BTBD16: variants seen among roughly 807,000 people sequenced by gnomAD.
The protein encoded by BTBD16 is BTB/POZ domain-containing protein 16.
BTBD16 carries 66 observed loss-of-function variants against 67.4 expected under a neutral mutation model. That is an observed-to-expected ratio of 0.98 (90% CI 0.80 to 1.20). The LOEUF is 1.20. BTBD16 is among the 50% of genes most tolerant of loss of function. The pLI is 0.00. For missense variants in BTBD16, 634 were observed against 616.0 expected, an observed-to-expected ratio of 1.03 and a Z score of -0.31; for synonymous variants, 242 against 236.4, an observed-to-expected ratio of 1.02 and a Z score of -0.22.
chr10:122,291,220 C>T (rs1564970289), intron 7 of BTBD16, 26 bp downstream of exon 7: 1 of 1,600,704 alleles, frequency 6.2e-7, no homozygotes, highest in East Asian at 2.3e-5. Flanking sequence ...TGACTTTGGG[C>T]AGGGCCGGGC....
chr10:122,294,633 G>T (rs1208617821), intron 7 of BTBD16, among the ~76,000 whole-genome samples: 2 of 152,240 alleles, frequency 1.3e-5, no homozygotes, highest in East Asian at 3.9e-4. Context: ...GGGCCAGAGG[G>T]GCATTTCCTT....
At chr10:122,311,366 C>G (rs1437791580) in intron 10 of BTBD16, among the ~76,000 whole-genome samples, 1 of 152,194 alleles carries the variant, frequency 6.6e-6, no homozygotes, top group Non-Finnish European at 1.5e-5. Context: ...CACAACTACA[C>G]ACATCTAAAG....
At chr10:122,281,525 A>G (rs1020795945) in intron 3 of BTBD16, among the ~76,000 whole-genome samples, 1 of 152,282 alleles carries the variant, frequency 6.6e-6, no homozygotes, top group South Asian at 2.1e-4. Context: ...TCACCCTTGC[A>G]TGTAGCTGGG....
chr10:122,296,851 C>T (rs757204631), intron 7 of BTBD16, among the ~76,000 whole-genome samples: 2 of 152,194 alleles, frequency 1.3e-5, no homozygotes, highest in Non-Finnish European at 2.9e-5. Context: ...AGAGAGGGGA[C>T]AGTGTGGAGC....
intron 9 of BTBD16, among the ~76,000 whole-genome samples, chr10:122,301,318 C>T (rs993442848): frequency 6.6e-6 from 1 of 152,084 alleles, no homozygotes; most frequent in African/African-American, 2.4e-5. Context: ...GCCTGACAAA[C>T]GTATGCTGGG....
chr10:122,288,373 G>C, intron 5 of BTBD16, among the ~76,000 whole-genome samples: 1 of 152,356 alleles, frequency 6.6e-6, no homozygotes, highest in African/African-American at 2.4e-5. Flanking sequence ...GTGAGAGCCA[G>C]CACAGAGCCA....
intron 10 of BTBD16, among the ~76,000 whole-genome samples, chr10:122,310,026 C>T (rs892424460): frequency 2.0e-5 from 3 of 152,200 alleles, no homozygotes; most frequent in African/African-American, 7.2e-5. Flanking sequence ...CCCACCTCGG[C>T]CTCCCAAAGC....
chr10:122,308,169 T>C (rs1370918720), intron 10 of BTBD16, among the ~76,000 whole-genome samples: 1 of 152,150 alleles, frequency 6.6e-6, no homozygotes, highest in South Asian at 2.1e-4. Flanking sequence ...CACTGGGAGA[T>C]AGGAAAAAGA....
At chr10:122,309,710 G>T (rs1242224607) in intron 10 of BTBD16, among the ~76,000 whole-genome samples, 1 of 151,592 alleles carries the variant, frequency 6.6e-6, no homozygotes, top group African/African-American at 2.4e-5. Flanking sequence ...CTGGTCTCAA[G>T]TGATCCTCCC....
At chr10:122,313,534 A>G (rs541295195) in intron 10 of BTBD16, among the ~76,000 whole-genome samples, 2 of 152,234 alleles carry the variant, frequency 1.3e-5, no homozygotes, top group Middle Eastern at 3.4e-3. Context: ...AAGTGCTGGG[A>G]TTACAGGCAT....
At position 122,286,210 on chromosome 10, in the gene BTBD16, C is replaced by G. The variant is rs1260524875; in HGVS notation, c.347C>G (p.Thr116Ser). Reference sequence around the variant, plus strand: ...TACCTGAAAGCCCTGGCGCAGGGCACCACACACCCCCTGAGGGAGCTGGAG... The same window carrying G: ...TACCTGAAAGCCCTGGCGCAGGGCAGCACACACCCCCTGAGGGAGCTGGAG... ...KLYLKALAQG[T>S]THPLRELEEL... Residue 116 changes from threonine (T) to serine (S), a missense_variant, in exon 5 of 16, where the codon ACC (threonine) becomes AGC (serine). Transcript: ENST00000260723. 26 of 1,613,570 alleles carry G rather than the reference C, an allele frequency of 1.6e-5. No homozygotes were observed. The highest frequency in any genetic ancestry group is 2.0e-5 in the Non-Finnish European group (24 of 1,179,578).
At chr10:122,286,641 A>C (rs2096364368) in intron 5 of BTBD16, among the ~76,000 whole-genome samples, 1 of 152,158 alleles carries the variant, frequency 6.6e-6, no homozygotes, top group Non-Finnish European at 1.5e-5. Flanking sequence ...TTCTGGAAGG[A>C]AGGTGGAATT....
intron 9 of BTBD16, among the ~76,000 whole-genome samples, chr10:122,300,291 C>T (rs190744088): frequency 5.3e-4 from 81 of 151,900 alleles, no homozygotes; most frequent in African/African-American, 1.7e-3. Context: ...AGAATATATA[C>T]AATATATAAT....
intron 10 of BTBD16, among the ~76,000 whole-genome samples, chr10:122,322,356 C>T (rs1021760652): frequency 2.4e-4 from 36 of 152,170 alleles, no homozygotes; most frequent in African/African-American, 8.0e-4. Context: ...ATATAATATG[C>T]ATGAGTATGG....
rs190019132 is a variant in BTBD16, at chr10:122,335,672, A to G, written c.1263+693A>G. Reference sequence around the variant, plus strand: ...GAACAAGCTTGACACACAAAGCACTATGTGCATTAGGGAAGATGAGGATGA... The same window carrying G: ...GAACAAGCTTGACACACAAAGCACTGTGTGCATTAGGGAAGATGAGGATGA... On this transcript the variant is annotated intron_variant, in intron 14 of 15. Transcript: ENST00000260723. Among the ~76,000 whole-genome samples the G allele has an allele frequency of 1.2e-4, 19 of 152,334 alleles. No homozygotes were observed. The East Asian group carries it at 2.9e-3, about 23-fold the overall frequency.
chr10:122,320,473 T>C (rs1367067682), intron 10 of BTBD16, among the ~76,000 whole-genome samples: 2 of 152,160 alleles, frequency 1.3e-5, no homozygotes, highest in Non-Finnish European at 2.9e-5. Flanking sequence ...GAAATTTAAG[T>C]CATTGGTTTA....
intron 15 of BTBD16, among the ~76,000 whole-genome samples, chr10:122,337,737 T>C (rs1295833069): frequency 6.6e-6 from 1 of 152,238 alleles, no homozygotes. Flanking sequence ...AGTGCTGGGA[T>C]GAAATATTTG....
At chr10:122,287,919 A>G (rs1019030960) in intron 5 of BTBD16, among the ~76,000 whole-genome samples, 2 of 152,230 alleles carry the variant, frequency 1.3e-5, no homozygotes, top group Admixed American at 1.3e-4. Flanking sequence ...GGGGAAGAGT[A>G]TGAACAAATT....
chr10:122,283,714 A>C (rs2096357621), intron 3 of BTBD16, 137 bp from the exon 4 acceptor site: 1 of 667,700 alleles, frequency 1.5e-6, no homozygotes, highest in Admixed American at 2.5e-5. Context: ...ACCTGAGGAA[A>C]CTCTTCCAAA....
Sources: allele counts gnomAD v4.1 joint callset (sites outside exome capture counted in the v4.1 genomes callset), GRCh38; gene constraint gnomAD v4.1.1; transcripts MANE v1.5; gene names NCBI Gene and HGNC (gene_info 2026-07-23, HGNC 2026-07-21).